The following PEAK1 variants were observed in gnomAD, a reference collection of about 807,000 sequenced individuals.
PEAK1 encodes the protein inactive tyrosine-protein kinase PEAK1.
Under a neutral mutation model 124.7 loss-of-function variants are expected in PEAK1, and 54 were observed. That is an observed-to-expected ratio of 0.43 (90% CI 0.35 to 0.54). The LOEUF is 0.54. PEAK1 is among the 20% of genes least tolerant of loss of function. PEAK1 has a pLI of 0.01. For missense variants in PEAK1, 2,046 were observed against 2,134.5 expected, an observed-to-expected ratio of 0.96 and a Z score of 0.82; for synonymous variants, 719 against 760.0, an observed-to-expected ratio of 0.95 and a Z score of 0.89.
chr15:77,148,599 C>T (rs544438167), intron 8 of PEAK1, among the ~76,000 whole-genome samples: 39 of 152,224 alleles, frequency 2.6e-4, no homozygotes, highest in Admixed American at 1.1e-3. Flanking sequence ...TTTACATTTT[C>T]TGGCTACCAT....
chr15:77,154,538 C>T (rs530941410), intron 8 of PEAK1, among the ~76,000 whole-genome samples: 1 of 152,134 alleles, frequency 6.6e-6, no homozygotes, highest in African/African-American at 2.4e-5. Context: ...ATGATGTTAG[C>T]TGGTTATTTT....
chr15:77,103,868 G>A (rs2050720403), downstream of PEAK1: 2 of 152,284 alleles, frequency 1.3e-5, no homozygotes, highest in Admixed American at 1.3e-4. Context: ...CGATCCCATA[G>A]GAGTTCAGTG....
chr15:77,234,398 T>C (rs1301192949), intron 6 of PEAK1, among the ~76,000 whole-genome samples: 1 of 152,214 alleles, frequency 6.6e-6, no homozygotes, highest in Non-Finnish European at 1.5e-5. Flanking sequence ...TTGAATTATT[T>C]TGTCATTCGT....
intron 7 of PEAK1, among the ~76,000 whole-genome samples, chr15:77,164,676 C>A (rs192929808): frequency 6.6e-6 from 1 of 152,202 alleles, no homozygotes; most frequent in East Asian, 1.9e-4. Flanking sequence ...CAGAAAAGAT[C>A]AATTAATTTT....
At chr15:77,162,404 G>C (rs1394782732) in intron 7 of PEAK1, among the ~76,000 whole-genome samples, 1 of 142,324 alleles carries the variant, frequency 7.0e-6, no homozygotes, top group Non-Finnish European at 1.5e-5. Context: ...CGAGGCAGAA[G>C]AATCGCTTGA....
At chr15:77,138,392 A>G (rs1000994287) in intron 8 of PEAK1, among the ~76,000 whole-genome samples, 4 of 152,188 alleles carry the variant, frequency 2.6e-5, no homozygotes, top group African/African-American at 4.8e-5. Flanking sequence ...TAGACTTTAT[A>G]TATACTGTAT....
At chr15:77,373,434 T>C (rs2068786416) in intron 1 of PEAK1, among the ~76,000 whole-genome samples, 1 of 152,158 alleles carries the variant, frequency 6.6e-6, no homozygotes, top group African/African-American at 2.4e-5. Context: ...AGGCAATGAC[T>C]GAACACCTCT....
chr15:77,117,960 A>G (rs571068452), intron 9 of PEAK1, among the ~76,000 whole-genome samples: 1 of 152,368 alleles, frequency 6.6e-6, no homozygotes, highest in East Asian at 1.9e-4. Context: ...ATACTACAAT[A>G]AGAATTTATG....
intron 7 of PEAK1, among the ~76,000 whole-genome samples, chr15:77,160,959 G>A (rs1458774046): frequency 6.6e-6 from 1 of 152,142 alleles, no homozygotes; most frequent in African/African-American, 2.4e-5. Flanking sequence ...ACAAAGCTCA[G>A]TTATAGTGAA....
intron 5 of PEAK1, among the ~76,000 whole-genome samples, chr15:77,259,637 A>T (rs956876523): frequency 6.6e-6 from 1 of 152,202 alleles, no homozygotes; most frequent in African/African-American, 2.4e-5. Flanking sequence ...ATGAGGGATT[A>T]AACAGTTCCA....
chr15:77,350,231 T>G, intron 2 of PEAK1: 29 of 985,358 alleles, frequency 2.9e-5, no homozygotes, highest in Non-Finnish European at 3.3e-5. Flanking sequence ...GAACAATAAA[T>G]CAATACACAA....
chr15:77,297,948 C>A (rs1437257565), intron 2 of PEAK1, among the ~76,000 whole-genome samples: 1 of 147,714 alleles, frequency 6.8e-6, no homozygotes, highest in Non-Finnish European at 1.5e-5. Context: ...GTCCCAGCTA[C>A]TCGGGAGGCT....
chr15:77,335,641 G>C, intron 2 of PEAK1: 1 of 640,544 alleles, frequency 1.6e-6, no homozygotes, highest in Non-Finnish European at 1.9e-6. Flanking sequence ...ACCACATGCA[G>C]CTAATTTTTT....
At chr15:77,312,212 C>G (rs2064514086) in intron 2 of PEAK1, among the ~76,000 whole-genome samples, 1 of 152,064 alleles carries the variant, frequency 6.6e-6, no homozygotes, top group Admixed American at 6.5e-5. Context: ...ACAGAGAATA[C>G]AATAAGAAAA....
At chr15:77,398,191 A>C (rs1239939066) in intron 1 of PEAK1, among the ~76,000 whole-genome samples, 1 of 152,246 alleles carries the variant, frequency 6.6e-6, no homozygotes, top group Non-Finnish European at 1.5e-5. Flanking sequence ...AGAAGAACTA[A>C]CACAAATGCT....
Position 77,114,200 on chromosome 15 carries a change from T to C in PEAK1, c.5197A>G (p.Thr1733Ala), listed in dbSNP as rs1336285776. The C allele has an allele frequency of 4.3e-6, 7 of 1,614,212 alleles. No individual in the cohort carries two copies. The highest frequency in any genetic ancestry group is 3.3e-5 in the Admixed American group (2 of 60,020). ...TTCACAATACAACTGAGGGAGTCTG[T>C]AGTGGCAAAAGCCAAATACTGAGCA... Reference protein sequence around the residue: ...LCAQYLAFATTDSLSCIVKIL... With the variant: ...LCAQYLAFATADSLSCIVKIL... Residue 1733 changes from threonine to alanine, a missense_variant, in exon 10 of 10, where the codon ACA becomes GCA. Coordinates refer to ENST00000682557, the MANE Select transcript of PEAK1 (RefSeq NM_001385026.1).
rs1422015373 is a variant in PEAK1 at position 77,180,819 on chromosome 15, A to T, written c.1108T>A (p.Ser370Thr). 1.2e-6 allele frequency: 2 copies of T among 1,613,876 alleles called. No homozygotes were observed. Among genetic ancestry groups the T allele is most frequent in the African/African-American group, 1.3e-5 (1 of 74,900 alleles). ...LSQKICNGGL[S>T]PGNPGDSKDM... is the part of the protein sequence containing the mutation. ...TTAGAATCTCCTGGGTTACCAGGAG[A>T]TAATCCCCCATTACAAATCTTCTGG... The change falls in exon 7 of 10, where the codon TCT (serine) becomes ACT (threonine). Residue 370 changes from serine (S) to threonine (T), a missense_variant. Physicochemically the swap from Ser to Thr is moderately conservative, Grantham distance 58 (BLOSUM62 1). Coordinates refer to ENST00000682557, the MANE Select transcript of PEAK1 (RefSeq NM_001385026.1).
chr15:77,180,410 T>A lies in PEAK1; in HGVS notation c.1517A>T (p.Asn506Ile), dbSNP rs567987817. The A allele has an allele frequency of 2.2e-5, 35 of 1,613,626 alleles. No homozygotes were observed. The East Asian group carries it at 7.1e-4, about 33-fold the overall frequency. The change falls in exon 7 of 10, where the codon AAC becomes ATC. Residue 506 changes from asparagine to isoleucine, a missense_variant. Coordinates refer to ENST00000682557, the MANE Select transcript of PEAK1 (RefSeq NM_001385026.1). ...CAATGAAGATGATGTAACTGGAGAG[T>A]TTGGAGTAGAGGATGAGCTTTTTGT... ...PKTKSSSSTPNSPVTSSSLTP... is the reference protein window; with the variant it reads ...PKTKSSSSTPISPVTSSSLTP...
chr15:77,310,490 G>C (rs2064371123), intron 2 of PEAK1, among the ~76,000 whole-genome samples: 1 of 152,104 alleles, frequency 6.6e-6, no homozygotes, highest in South Asian at 2.1e-4. Context: ...TTGAGCAAAA[G>C]AACCTAGGGT....
Sources: gnomAD v4.1 joint callset for allele counts (sites outside exome capture counted in the v4.1 genomes callset) on GRCh38, gnomAD v4.1.1 for gene constraint, MANE v1.5 for transcripts, NCBI Gene and HGNC (gene_info 2026-07-23, HGNC 2026-07-21) for gene names.